The following RP1L1 variants were observed in gnomAD, a reference collection of about 807,000 sequenced individuals.
RP1L1 encodes RP1 like 1.
RP1L1 carries 27 observed loss-of-function variants against 15.7 expected under a neutral mutation model. The observed-to-expected ratio is 1.72, with a 90% CI of 1.27 to 2.38. RP1L1 has a LOEUF of 2.38. RP1L1 is among the 30% of genes most tolerant of loss of function. The pLI, the probability that RP1L1 is intolerant of heterozygous loss-of-function variation, is 0.00. For synonymous variants in RP1L1, 1,813 were observed against 1,276.7 expected, an observed-to-expected ratio of 1.42 and a Z score of -8.96; for missense variants, 4,798 against 3,075.9, an observed-to-expected ratio of 1.56 and a Z score of -13.24.
Position 10,610,765 on chromosome 8 carries a change from G to C in RP1L1, c.3333C>G (p.Leu1111=), listed in dbSNP as rs762075513. 6 of 1,613,302 alleles carry C rather than the reference G, an allele frequency of 3.7e-6. No homozygotes were observed. The highest frequency in any genetic ancestry group is 5.1e-6 in the Non-Finnish European group (6 of 1,179,994). The change falls in exon 4 of 4, where the codon CTC becomes CTG. Residue 1111 remains leucine (L), a synonymous_variant. Transcript: ENST00000382483. ...TAATGAGGGCCCCGGCTGAGCAGCTGAGCCTCCTGGCCATGGGCCTAGACA... is the reference window on the plus strand; with the variant it reads ...TAATGAGGGCCCCGGCTGAGCAGCTCAGCCTCCTGGCCATGGGCCTAGACA... The part of the protein sequence containing the change: ...PEVSRPMARR[L]SCSAGALITC...
intron 1 of RP1L1, among the ~76,000 whole-genome samples, chr8:10,625,315 C>T (rs556810091): frequency 1.3e-5 from 2 of 152,280 alleles, no homozygotes; most frequent in East Asian, 3.9e-4. Context: ...CAGAAGCTCC[C>T]AGGAGGGAGA....
chr8:10,633,076 A>G (rs952218666), intron 1 of RP1L1, among the ~76,000 whole-genome samples: 16 of 152,200 alleles, frequency 1.1e-4, no homozygotes, highest in Non-Finnish European at 1.5e-5. Context: ...AATTCTCTGC[A>G]TCCAACAGCA....
In RP1L1 at chr8:10,623,173, G is replaced by GA; in HGVS notation, c.28_29insT (p.Ala10ValfsTer6). On this transcript the variant is annotated frameshift_variant, in exon 2 of 4. Transcript: ENST00000382483. LOFTEE classifies it high-confidence loss of function. Reference sequence around the variant, plus strand: ...CAGGAAGCACTCACGGTGGCTCGGGGCCTGGGCATTCCTGGGGGTGCTGTT... The same window carrying GA: ...CAGGAAGCACTCACGGTGGCTCGGGGACCTGGGCATTCCTGGGGGTGCTGTT... 2 of 1,578,014 alleles carry GA rather than the reference G, an allele frequency of 1.3e-6. No homozygotes were observed. The highest frequency in any genetic ancestry group is 1.7e-6 in the Non-Finnish European group (2 of 1,160,906).
chr8:10,616,686 T>C, intron 2 of RP1L1, 99 bp from the exon 3 acceptor site: 1 of 1,360,376 alleles, frequency 7.4e-7, no homozygotes, highest in Non-Finnish European at 9.8e-7. Flanking sequence ...AGCCCTGTCC[T>C]GATTTCTGCA....
At position 10,612,282 on chromosome 8, in the gene RP1L1, C is replaced by A; in HGVS notation, c.1816G>T (p.Val606Leu). The A allele has an allele frequency of 1.2e-6, 2 of 1,613,260 alleles. No individual in the cohort carries two copies. Among genetic ancestry groups the A allele is most frequent in the Non-Finnish European group, 1.7e-6 (2 of 1,180,024 alleles). Reference sequence around the variant, plus strand: ...CCCAGAACCAGAGGCTCCCTTGTCACAGCCGCTCCCGTGGCCTGCTCGGTG... The same window carrying A: ...CCCAGAACCAGAGGCTCCCTTGTCAAAGCCGCTCCCGTGGCCTGCTCGGTG... ...QGTEQATGAA[V>L]TREPLVLGLS... Residue 606 changes from valine (V) to leucine (L), a missense_variant, in exon 4 of 4, where the codon GTG becomes TTG. Transcript: ENST00000382483.
rs545032946 is a variant in RP1L1 at position 10,635,116 on chromosome 8, T to G, written c.-19-11896A>C. ...AACCGGGGAGGGAACAGGTAGAGGCTGGGGACTCGGGTGACGCGGTCTTCA... is the reference window on the plus strand; with the variant it reads ...AACCGGGGAGGGAACAGGTAGAGGCGGGGGACTCGGGTGACGCGGTCTTCA... On this transcript the variant is annotated intron_variant, in intron 1 of 3. Transcript: ENST00000382483. 8.5e-5 allele frequency among the ~76,000 whole-genome samples: 13 copies of G among 152,310 alleles called. No homozygotes were observed. The South Asian group carries it at 2.7e-3, about 32-fold the overall frequency.
chr8:10,633,964 C>T (rs1798291432), intron 1 of RP1L1, among the ~76,000 whole-genome samples: 1 of 152,158 alleles, frequency 6.6e-6, no homozygotes, highest in African/African-American at 2.4e-5. Context: ...TATCCTCCCT[C>T]TCTGCCTGTG....
rs935983280 is a variant in RP1L1, at chr8:10,648,822, A to G, written c.-20+6076T>C. On this transcript the variant is annotated intron_variant, in intron 1 of 3. Coordinates refer to ENST00000382483, the MANE Select transcript of RP1L1 (RefSeq NM_178857.6). ...CACACACCCAGGGGAATCAGACATA[A>G]TGTTCCCCGTTCCCAGCATTTATCT... Among the ~76,000 whole-genome samples, 4 of 152,224 alleles carry G rather than the reference A, an allele frequency of 2.6e-5. No homozygotes were observed. The South Asian group carries it at 8.3e-4, about 32-fold the overall frequency.
In RP1L1 at chr8:10,623,074, T is replaced by C. The variant is rs893620363; in HGVS notation, c.128A>G (p.Asp43Gly). Residue 43 changes from aspartate to glycine, a missense_variant, in exon 2 of 4, where the codon GAT becomes GGT. Transcript: ENST00000382483. ...CAGGCGGACCCCAGCAAACCGTGGA[T>C]CCCCTCGCTTGAGGAAGGTGATCTT... ...AKKITFLKRG[D>G]PRFAGVRLAV... The C allele has an allele frequency of 3.1e-6, 5 of 1,613,842 alleles. No homozygotes were observed. The highest frequency in any genetic ancestry group is 4.2e-6 in the Non-Finnish European group (5 of 1,180,012).
At chr8:10,631,167 G>A (rs1469017181) in intron 1 of RP1L1, among the ~76,000 whole-genome samples, 1 of 152,034 alleles carries the variant, frequency 6.6e-6, no homozygotes, top group East Asian at 1.9e-4. Context: ...AGACGGCCCA[G>A]GCGAGAATGT....
rs200175359 is a variant in RP1L1, at chr8:10,610,061, C to G, written c.4037G>C (p.Gly1346Ala). The G allele has an allele frequency of 1.7e-5, 24 of 1,414,110 alleles. 1 individual carries two copies. The highest frequency in any genetic ancestry group is 2.3e-5 in the Non-Finnish European group (24 of 1,054,132). The allele number at this position is 1,414,110 out of a possible 1,614,324, so 87.6% of individuals were successfully genotyped here. A position where few individuals can be genotyped will look rare whatever the true frequency, so the allele number is the denominator to read the frequency against. ...VQLEETKETE[G>A]EGQQEEEAQL... ...CGCCTCTTCTTCTTGCTGTCCTTCTCCTTCTGTTTCTTTAGTTTCCTCTAA... is the reference window on the plus strand; with the variant it reads ...CGCCTCTTCTTCTTGCTGTCCTTCTGCTTCTGTTTCTTTAGTTTCCTCTAA... The change falls in exon 4 of 4, where the codon GGA becomes GCA. Residue 1346 changes from glycine (G) to alanine (A), a missense_variant. By Grantham distance (60) the Gly-to-Ala change is moderately conservative. Transcript: ENST00000382483.
intron 3 of RP1L1, 97 bp from the exon 4 acceptor site, chr8:10,613,443 G>T: frequency 1.3e-6 from 2 of 1,511,962 alleles, no homozygotes; most frequent in South Asian, 1.2e-5. Context: ...AGCCTCCCAC[G>T]ACCTCAGCAT....
chr8:10,607,860 G>C lies in RP1L1; in HGVS notation c.6238C>G (p.Pro2080Ala). Reference sequence around the variant, plus strand: ...TGGGCATCTACATCTTCTGACTCTGGGTGGGCCTCCCCTTCTGCCTCCTGG... The same window carrying C: ...TGGGCATCTACATCTTCTGACTCTGCGTGGGCCTCCCCTTCTGCCTCCTGG... ...EVQEAEGEAHPESEDVDAQEA... is the reference protein window; with the variant it reads ...EVQEAEGEAHAESEDVDAQEA... The change falls in exon 4 of 4, where the codon CCA (proline) becomes GCA (alanine). Residue 2080 changes from proline (P) to alanine (A), a missense_variant. Pro to Ala is a conservative substitution (Grantham distance 27). Coordinates refer to ENST00000382483, the MANE Select transcript of RP1L1 (RefSeq NM_178857.6). 2 of 1,580,290 alleles carry C rather than the reference G, an allele frequency of 1.3e-6. No homozygotes were observed. Among genetic ancestry groups the C allele is most frequent in the African/African-American group, 1.4e-5 (1 of 70,014 alleles).
intron 1 of RP1L1, among the ~76,000 whole-genome samples, chr8:10,625,898 G>C (rs543348465): frequency 6.6e-6 from 1 of 152,068 alleles, no homozygotes; most frequent in African/African-American, 2.4e-5. Flanking sequence ...TGCAGGTGGG[G>C]GGCAGGCAGC....
intron 1 of RP1L1, among the ~76,000 whole-genome samples, chr8:10,627,593 A>C (rs1438220024): frequency 6.6e-6 from 1 of 152,000 alleles, no homozygotes; most frequent in African/African-American, 2.4e-5. Context: ...GTACACTTAC[A>C]AACAGTTTAG....
chr8:10,651,320 G>GCT (rs1217171917), intron 1 of RP1L1, among the ~76,000 whole-genome samples: 1 of 152,174 alleles, frequency 6.6e-6, no homozygotes, highest in Admixed American at 6.5e-5. Flanking sequence ...GTGCTGCAGC[G>GCT]CTCTCTCTCT....
At chr8:10,626,821 A>G (rs1444981478) in intron 1 of RP1L1, among the ~76,000 whole-genome samples, 1 of 152,208 alleles carries the variant, frequency 6.6e-6, no homozygotes, top group Non-Finnish European at 1.5e-5. Flanking sequence ...ACAGCACGTC[A>G]TCAAGTGTGA....
At chr8:10,652,190 T>C (rs1376705978) in intron 1 of RP1L1, among the ~76,000 whole-genome samples, 3 of 152,220 alleles carry the variant, frequency 2.0e-5, no homozygotes, top group Non-Finnish European at 4.4e-5. Context: ...ATTCCCATCA[T>C]GAAGCCACGC....
At chr8:10,641,773 A>G (rs1798411245) in intron 1 of RP1L1, among the ~76,000 whole-genome samples, 1 of 152,254 alleles carries the variant, frequency 6.6e-6, no homozygotes, top group Admixed American at 6.5e-5. Context: ...TCAAAGAATG[A>G]AGACTTAAGC....
Sources: gnomAD v4.1 joint callset for allele counts (sites outside exome capture counted in the v4.1 genomes callset) on GRCh38, gnomAD v4.1.1 for gene constraint, MANE v1.5 for transcripts, NCBI Gene and HGNC (gene_info 2026-07-23, HGNC 2026-07-21) for gene names.